ATXN10: variants seen among roughly 807,000 people sequenced by gnomAD.
ATXN10 encodes ataxin 10.
ATXN10 carries 28 observed loss-of-function variants against 52.9 expected under a neutral mutation model. That is an observed-to-expected ratio of 0.53 (90% CI 0.39 to 0.73). The LOEUF (loss-of-function observed/expected upper bound fraction) is 0.73, where lower values mean the gene tolerates loss of function less well. Among genes scored for constraint, ATXN10 ranks in the 30% least tolerant of loss-of-function variants. The pLI is 0.00. For missense variants in ATXN10, 565 were observed against 577.0 expected (o/e 0.98, Z 0.21); for synonymous variants, 226 against 221.5 (o/e 1.02, Z -0.18).
Position 45,763,880 on chromosome 22 carries a change from G to A in ATXN10, c.1173+23342G>A, listed in dbSNP as rs915101337. On this transcript the variant is annotated intron_variant, in intron 9 of 11. Transcript: ENST00000252934. This position sits in a 1 kb window ranked among gnomAD's most constrained non-coding sequence, Gnocchi z 6.9. ...TGAGCATGGGCTGTCTTGAGGTGCC[G>A]GCTGTGTTAGGCTCTTACCCCCACC... Among the ~76,000 whole-genome samples the A allele has an allele frequency of 8.5e-5, 13 of 152,120 alleles. No homozygotes were observed. Among genetic ancestry groups the A allele is most frequent in the South Asian group, 2.1e-4 (1 of 4,826 alleles).
chr22:45,710,437 G>A (rs138151), intron 5 of ATXN10, among the ~76,000 whole-genome samples: 2 of 152,022 alleles, frequency 1.3e-5, no homozygotes, highest in East Asian at 1.9e-4. Flanking sequence ...AGTGTTTCCT[G>A]TAAACCCGTA....
intron 6 of ATXN10, among the ~76,000 whole-genome samples, chr22:45,720,527 C>T (rs1160172591): frequency 6.6e-6 from 1 of 151,996 alleles, no homozygotes; most frequent in African/African-American, 2.4e-5. Flanking sequence ...TTTTAATGTA[C>T]GGTTCAGGGG....
At position 45,705,735 on chromosome 22, in the gene ATXN10, C is replaced by G. The variant is rs183644930; in HGVS notation, c.647+2888C>G. ...AGGCGTGAGCCACCGCGCCCGGCCT[C>G]CACTTGTTACGGGTCTATTCAGATT... On this transcript the variant is annotated intron_variant, in intron 5 of 11. Coordinates refer to ENST00000252934, the MANE Select transcript of ATXN10 (RefSeq NM_013236.4). The surrounding 1 kb of genome is among the most constrained non-coding windows in gnomAD (Gnocchi z 5.2). Among the ~76,000 whole-genome samples, 88 of 152,176 alleles carry G rather than the reference C, an allele frequency of 5.8e-4. No homozygotes were observed. Among genetic ancestry groups the G allele is most frequent in the African/African-American group, 2.0e-3 (85 of 41,532 alleles).
Position 45,718,434 on chromosome 22 carries a change from C to T in ATXN10, c.669C>T (p.Leu223=), listed in dbSNP as rs1217796247. The T allele has an allele frequency of 6.2e-7, 1 of 1,613,702 alleles. No homozygotes were observed. Among genetic ancestry groups the T allele is most frequent in the Admixed American group, 1.7e-5 (1 of 59,998 alleles). ...SEWPFLIITD[L]FLKSPELVQA... ...CTAGGTTCTTGATTATTACAGACCTCTTTCTGAAAAGCCCGGAATTGGTAC... is the reference window on the plus strand; with the variant it reads ...CTAGGTTCTTGATTATTACAGACCTTTTTCTGAAAAGCCCGGAATTGGTAC... The change falls in exon 6 of 12, where the codon CTC becomes CTT. Residue 223 remains leucine (L), a synonymous_variant. Transcript: ENST00000252934. This position sits in a 1 kb window ranked among gnomAD's most constrained non-coding sequence, Gnocchi z 4.4.
intron 9 of ATXN10, among the ~76,000 whole-genome samples, chr22:45,785,774 A>G (rs1250594691): frequency 6.6e-6 from 1 of 152,226 alleles, no homozygotes; most frequent in Admixed American, 6.5e-5. Context: ...TGAGAGTCAG[A>G]GACAGTCCTG....
rs1477629170 is a variant in ATXN10, at chr22:45,738,840, G to A, written c.1003+1G>A. Reference sequence around the variant, plus strand: ...CCTGGCTTGCTGGAAAGAGTGATTGGTGAGTGAAATATCACACATTGTATT... The same window carrying A: ...CCTGGCTTGCTGGAAAGAGTGATTGATGAGTGAAATATCACACATTGTATT... On this transcript the variant is annotated splice_donor_variant, in intron 8 of 11. Transcript: ENST00000252934. LOFTEE classifies it high-confidence loss of function. 4 of 1,609,990 alleles carry A rather than the reference G, an allele frequency of 2.5e-6. No homozygotes were observed. The highest frequency in any genetic ancestry group is 2.6e-6 in the Non-Finnish European group (3 of 1,176,376).
intron 3 of ATXN10, among the ~76,000 whole-genome samples, chr22:45,698,862 T>C (rs1923722393): frequency 6.6e-6 from 1 of 152,200 alleles, no homozygotes; most frequent in South Asian, 2.1e-4. Context: ...ATACAAATAA[T>C]CTTTTAAAAA....
At chr22:45,811,573 A>G (rs575099359) in intron 10 of ATXN10, 641 of 372,836 alleles carry the variant, frequency 1.7e-3, no homozygotes, top group Non-Finnish European at 2.7e-3. Flanking sequence ...ATACAGTTCT[A>G]TAGTCTAGAA....
intron 9 of ATXN10, among the ~76,000 whole-genome samples, chr22:45,748,147 C>G (rs1925807754): frequency 6.6e-6 from 1 of 151,096 alleles, no homozygotes; most frequent in Non-Finnish European, 1.5e-5. Context: ...CCACTGCACT[C>G]TAGCCTGGGC....
chr22:45,741,646 C>G (rs971164038), intron 9 of ATXN10, among the ~76,000 whole-genome samples: 6 of 151,826 alleles, frequency 4.0e-5, no homozygotes, highest in African/African-American at 1.5e-4. Context: ...ATAGTCCTTC[C>G]TGAATTTATG....
intron 1 of ATXN10, 44 bp from the exon 2 acceptor site, chr22:45,689,668 A>G (rs374217607): frequency 7.2e-5 from 114 of 1,577,658 alleles, no homozygotes; most frequent in African/African-American, 4.2e-4. Flanking sequence ...TTTGGAAATC[A>G]TAATCTTTTT....
intron 1 of ATXN10, chr22:45,673,493 A>G (rs1483984376): frequency 6.6e-6 from 1 of 152,192 alleles, no homozygotes; most frequent in Non-Finnish European, 1.5e-5. Context: ...AGATGTATTT[A>G]TTGATTTAAT....
At chr22:45,694,660 T>G (rs1050912886) in intron 3 of ATXN10, among the ~76,000 whole-genome samples, 1 of 151,964 alleles carries the variant, frequency 6.6e-6, no homozygotes, top group Non-Finnish European at 1.5e-5. Flanking sequence ...CGCATGCTTG[T>G]GATCCCAGCT....
intron 5 of ATXN10, among the ~76,000 whole-genome samples, chr22:45,710,549 T>G (rs1924205998): frequency 6.6e-6 from 1 of 152,222 alleles, no homozygotes. Flanking sequence ...TGCTAGAATG[T>G]AGGACTAGCT....
rs1198643379 is a variant in ATXN10 at position 45,843,405 on chromosome 22, T to C, written c.1425+227T>C. On this transcript the variant is annotated intron_variant, in intron 11 of 11. Coordinates refer to ENST00000252934, the MANE Select transcript of ATXN10 (RefSeq NM_013236.4). The surrounding 1 kb of genome is among the most constrained non-coding windows in gnomAD (Gnocchi z 4.5). Reference sequence around the variant, plus strand: ...GGGACAATTTCAAACTCATTCTGGGTGAGAAATACAAAAGGCATATCAAAA... The same window carrying C: ...GGGACAATTTCAAACTCATTCTGGGCGAGAAATACAAAAGGCATATCAAAA... 2.6e-5 allele frequency among the ~76,000 whole-genome samples: 4 copies of C among 152,206 alleles called. No homozygotes were observed. Among genetic ancestry groups the C allele is most frequent in the Non-Finnish European group, 5.9e-5 (4 of 68,030 alleles).
chr22:45,801,062 A>C (rs1486445526), intron 9 of ATXN10, among the ~76,000 whole-genome samples: 1 of 152,174 alleles, frequency 6.6e-6, no homozygotes, highest in African/African-American at 2.4e-5. Flanking sequence ...ACCAAAGGGG[A>C]TAGTGTGTGG....
rs189149773 is a variant in ATXN10, at chr22:45,840,497, C to T, written c.1238-2494C>T. Among the ~76,000 whole-genome samples, 2 of 152,318 alleles carry T rather than the reference C, an allele frequency of 1.3e-5. No homozygotes were observed. Among genetic ancestry groups the T allele is most frequent in the East Asian group, 3.9e-4 (2 of 5,182 alleles). ...AAAGGAAGCAGCAGTGAGGGAAGCA[C>T]ATCCCAGGTCAGGGATTCGTGTGTG... On this transcript the variant is annotated intron_variant, in intron 10 of 11. Coordinates refer to ENST00000252934, the MANE Select transcript of ATXN10 (RefSeq NM_013236.4). The surrounding 1 kb of genome is among the most constrained non-coding windows in gnomAD (Gnocchi z 5.8).
At position 45,840,666 on chromosome 22, in the gene ATXN10, A is replaced by C. The variant is rs1477069681; in HGVS notation, c.1238-2325A>C. 6.6e-6 allele frequency among the ~76,000 whole-genome samples: 1 copy of C among 152,154 alleles called. No individual in the cohort carries two copies. The highest frequency in any genetic ancestry group is 1.9e-4 in the East Asian group (1 of 5,192). ...GTTTGATAGTCCCTTTCCTCCAGAG[A>C]CATCCTGCGTTTGCTGCTGGCAGTG... On this transcript the variant is annotated intron_variant, in intron 10 of 11. Coordinates refer to ENST00000252934, the MANE Select transcript of ATXN10 (RefSeq NM_013236.4). The surrounding 1 kb of genome is among the most constrained non-coding windows in gnomAD (Gnocchi z 5.8).
intron 1 of ATXN10, 47 bp downstream of exon 1, chr22:45,672,226 G>A (rs1410720111): frequency 6.9e-7 from 1 of 1,451,452 alleles, no homozygotes; most frequent in Non-Finnish European, 9.0e-7. Context: ...GAGGGCGGCC[G>A]GGACTCCCGC....
Sources: allele counts gnomAD v4.1 joint callset (sites outside exome capture counted in the v4.1 genomes callset), GRCh38; gene constraint gnomAD v4.1.1; non-coding constraint Gnocchi (gnomAD v3.1); transcripts MANE v1.5; gene names NCBI Gene and HGNC (gene_info 2026-07-23, HGNC 2026-07-21).